Variants in AFDN observed in about 807,000 individuals in gnomAD.
The protein encoded by AFDN is afadin.
Under a neutral mutation model 216.6 loss-of-function variants are expected in AFDN, and 68 were observed. The ratio of observed to expected loss-of-function variants is 0.31; its 90% confidence interval spans 0.26 to 0.38. The LOEUF is 0.38. Ranked by LOEUF, AFDN falls within the 10% of genes least tolerant of loss-of-function variation. The pLI is 1.00. For missense variants in AFDN, 2,136 were observed against 2,342.0 expected (o/e 0.91, Z 1.82); for synonymous variants, 868 against 853.7 (o/e 1.02, Z -0.29).
intron 23 of AFDN, among the ~76,000 whole-genome samples, chr6:167,931,699 C>T (rs1326215146): frequency 6.6e-6 from 1 of 152,010 alleles, no homozygotes; most frequent in Non-Finnish European, 1.5e-5. Context: ...GTATGTGGGT[C>T]TGCTTACATC....
chr6:167,926,015 G>A (rs2128521051), intron 23 of AFDN, among the ~76,000 whole-genome samples: 1 of 152,330 alleles, frequency 6.6e-6, no homozygotes, highest in South Asian at 2.1e-4. Flanking sequence ...TATGATAGAA[G>A]TGCCTTCTGA....
At chr6:167,939,893 C>A (rs1190973754) in intron 23 of AFDN, among the ~76,000 whole-genome samples, 1 of 152,180 alleles carries the variant, frequency 6.6e-6, no homozygotes, top group African/African-American at 2.4e-5. Flanking sequence ...ATGTATTATT[C>A]TTTTCTAAGT....
intron 31 of AFDN, chr6:167,964,209 T>G: frequency 9.4e-7 from 1 of 1,064,054 alleles, no homozygotes; most frequent in Non-Finnish European, 1.1e-6. Flanking sequence ...TATTTTTATA[T>G]CAGAATGTCC....
chr6:167,913,363 T>C, intron 15 of AFDN, 40 bp from the exon 16 acceptor site: 1 of 1,533,958 alleles, frequency 6.5e-7, no homozygotes, highest in Non-Finnish European at 8.7e-7. Context: ...AGTTTCTTTC[T>C]CTCGTTCTGC....
intron 6 of AFDN, 142 bp downstream of exon 6, chr6:167,880,659 T>C: frequency 1.2e-6 from 1 of 815,176 alleles, no homozygotes; most frequent in Non-Finnish European, 1.9e-6. Flanking sequence ...TAAATATATA[T>C]TTTTAAAAAG....
At chr6:167,869,157 T>A (rs561091172) in intron 2 of AFDN, among the ~76,000 whole-genome samples, 33 of 152,034 alleles carry the variant, frequency 2.2e-4, no homozygotes, top group Non-Finnish European at 4.1e-4. Flanking sequence ...GACTGTGAGG[T>A]GATGTGACTG....
intron 23 of AFDN, among the ~76,000 whole-genome samples, chr6:167,928,304 T>C (rs995024444): frequency 3.3e-5 from 5 of 152,212 alleles, no homozygotes; most frequent in African/African-American, 1.2e-4. Context: ...TGGCCTCTGG[T>C]TGTTTGTCTC....
intron 30 of AFDN, among the ~76,000 whole-genome samples, chr6:167,956,812 C>G (rs1796566399): frequency 6.6e-6 from 1 of 152,200 alleles, no homozygotes; most frequent in South Asian, 2.1e-4. Context: ...TGACCAATCT[C>G]TGTGCCCCCG....
At chr6:167,860,771 C>A (rs982776144) in intron 1 of AFDN, among the ~76,000 whole-genome samples, 1 of 152,266 alleles carries the variant, frequency 6.6e-6, no homozygotes, top group East Asian at 1.9e-4. Context: ...CTGTGTGGGG[C>A]GTGAGCTGCC....
At chr6:167,846,753 A>G (rs942980757) in intron 1 of AFDN, among the ~76,000 whole-genome samples, 7 of 138,716 alleles carry the variant, frequency 5.0e-5, no homozygotes, top group African/African-American at 1.3e-4. Flanking sequence ...AGAATCTTCT[A>G]TGAGATTTGG....
At chr6:167,828,389 A>T (rs1159614248) in intron 1 of AFDN, among the ~76,000 whole-genome samples, 4 of 151,932 alleles carry the variant, frequency 2.6e-5, no homozygotes, top group Non-Finnish European at 5.9e-5. Flanking sequence ...CATGGGAAGG[A>T]CTCTATTTCT....
chr6:167,844,093 A>G (rs1781362497), intron 1 of AFDN, among the ~76,000 whole-genome samples: 1 of 151,950 alleles, frequency 6.6e-6, no homozygotes, highest in Non-Finnish European at 1.5e-5. Context: ...TTCTCCTCTG[A>G]ATTCTAGCTA....
intron 9 of AFDN, among the ~76,000 whole-genome samples, chr6:167,894,998 T>G (rs1788055315): frequency 6.6e-6 from 1 of 152,250 alleles, no homozygotes; most frequent in Non-Finnish European, 1.5e-5. Context: ...GTGTCATTTC[T>G]CTGTGACTAT....
At chr6:167,826,861 CG>C (rs1326213796), upstream of AFDN, 1 of 143,942 alleles carries the variant, frequency 6.9e-6, no homozygotes, top group East Asian at 2.0e-4. Flanking sequence ...GCGCGCACGG[CG>C]GCGGGCGGGG....
At chr6:167,837,584 A>G (rs191214187) in intron 1 of AFDN, among the ~76,000 whole-genome samples, 2 of 152,214 alleles carry the variant, frequency 1.3e-5, no homozygotes, top group Non-Finnish European at 1.5e-5. Flanking sequence ...TAGTGAACAC[A>G]TGTGATATAT....
In AFDN at chr6:167,871,892, C is replaced by T. The variant is rs534800582; in HGVS notation, c.415-322C>T. Among the ~76,000 whole-genome samples, 4 of 152,254 alleles carry T rather than the reference C, an allele frequency of 2.6e-5. No individual in the cohort carries two copies. In the South Asian group the frequency reaches 8.3e-4, roughly 32 times the overall value. On this transcript the variant is annotated intron_variant, in intron 3 of 33. Coordinates refer to ENST00000683244, the MANE Select transcript of AFDN (RefSeq NM_001386888.1). ...GTTTTATTTACTGAAAATCAGATTT[C>T]ATCATTTCTCCCCCAGTTTTCTAAC...
At chr6:167,913,803 T>G (rs1243443548) in intron 16 of AFDN, 1 of 391,588 alleles carries the variant, frequency 2.6e-6, no homozygotes, top group Non-Finnish European at 4.6e-6. Flanking sequence ...AGTATCAGGG[T>G]GGCTGTGGGT....
At chr6:167,912,541 G>A (rs569062631) in intron 15 of AFDN, among the ~76,000 whole-genome samples, 131 of 152,220 alleles carry the variant, frequency 8.6e-4, no homozygotes, top group Non-Finnish European at 1.6e-3. Flanking sequence ...TAGGAAATAG[G>A]TAAAAAAGAA....
At chr6:167,905,306 A>T (rs1250127158) in intron 12 of AFDN, among the ~76,000 whole-genome samples, 1 of 152,180 alleles carries the variant, frequency 6.6e-6, no homozygotes, top group Non-Finnish European at 1.5e-5. Flanking sequence ...TTTCTATTGC[A>T]CTTTTCTTAA....
Sources: gnomAD v4.1 joint callset for allele counts (sites outside exome capture counted in the v4.1 genomes callset) on GRCh38, gnomAD v4.1.1 for gene constraint, MANE v1.5 for transcripts, NCBI Gene and HGNC (gene_info 2026-07-23, HGNC 2026-07-21) for gene names.